Variants in ELSPBP1 observed in about 807,000 individuals in gnomAD.
ELSPBP1 encodes epididymal sperm binding protein 1.
ELSPBP1 carries 38 observed loss-of-function variants against 33.3 expected under a neutral mutation model. The observed-to-expected ratio is 1.14, with a 90% CI of 0.88 to 1.50. The LOEUF (loss-of-function observed/expected upper bound fraction) is 1.50, where lower values mean the gene tolerates loss of function less well. Ranked by LOEUF, ELSPBP1 falls within the 40% of genes most tolerant of loss-of-function variation. The probability of loss-of-function intolerance (pLI) is 0.00; values close to 1 mark genes in which losing one functional copy is unlikely to be tolerated. For synonymous variants in ELSPBP1, 85 were observed against 94.1 expected (o/e 0.90, Z 0.56); for missense variants, 267 against 263.5 (o/e 1.01, Z -0.09).
chr19:48,002,583 G>T (rs990665880), intron 1 of ELSPBP1, among the ~76,000 whole-genome samples: 2 of 152,200 alleles, frequency 1.3e-5, no homozygotes, highest in African/African-American at 2.4e-5. Context: ...TTGGGGTCAG[G>T]AGTTCAAAAC....
intron 1 of ELSPBP1, among the ~76,000 whole-genome samples, chr19:47,998,206 G>C (rs78215994): frequency 0.015 from 2,340 of 152,184 alleles, 41 homozygotes; most frequent in East Asian, 0.046. Flanking sequence ...GAGGTCTGGA[G>C]TTCAAGATCA....
Position 48,011,618 on chromosome 19 carries a change from G to GA in ELSPBP1, c.71-2552dup, listed in dbSNP as rs1967080569. 6.6e-6 allele frequency among the ~76,000 whole-genome samples: 1 copy of GA among 151,540 alleles called. No homozygotes were observed. Among genetic ancestry groups the GA allele is most frequent in the East Asian group, 1.9e-4 (1 of 5,134 alleles). ...TGAGGTGGATTATGATGACAATGAT[G>GA]ATGACAACGATGATGATGATCATCA... On this transcript the variant is annotated intron_variant, in intron 2 of 6. Coordinates refer to ENST00000339841, the MANE Select transcript of ELSPBP1 (RefSeq NM_022142.5). The surrounding 1 kb of genome is among the most constrained non-coding windows in gnomAD (Gnocchi z 4.5).
Position 48,019,699 on chromosome 19 carries a change from C to T in ELSPBP1, c.356-20C>T, listed in dbSNP as rs73567220. 1 of 1,609,968 alleles carries T rather than the reference C, an allele frequency of 6.2e-7. No homozygotes were observed. Among genetic ancestry groups the T allele is most frequent in the East Asian group, 2.2e-5 (1 of 44,814 alleles). ...TCATCTCCTCTTCTTGACCCGTAAC[C>T]TTTCCATAATCCTTTTCAGAGTATG... On this transcript the variant is annotated intron_variant, in intron 4 of 6. Transcript: ENST00000339841.
At chr19:48,002,618 G>A (rs1037213015) in intron 1 of ELSPBP1, among the ~76,000 whole-genome samples, 10 of 152,132 alleles carry the variant, frequency 6.6e-5, no homozygotes, top group Non-Finnish European at 1.0e-4. Flanking sequence ...CGGTGAAACC[G>A]TGTCTCTACT....
intron 1 of ELSPBP1, among the ~76,000 whole-genome samples, chr19:48,004,623 C>T (rs1199861321): frequency 6.6e-6 from 1 of 152,192 alleles, no homozygotes; most frequent in African/African-American, 2.4e-5. Flanking sequence ...TGTCAGCTTA[C>T]CTGTCATTTC....
chr19:48,009,233 T>C (rs1399997337), intron 2 of ELSPBP1, among the ~76,000 whole-genome samples: 1 of 152,108 alleles, frequency 6.6e-6, no homozygotes, highest in Admixed American at 6.6e-5. Flanking sequence ...ATAAGCTCTC[T>C]GAAGTCAATT....
intron 1 of ELSPBP1, among the ~76,000 whole-genome samples, chr19:48,006,480 G>T (rs1967018293): frequency 6.6e-6 from 1 of 151,734 alleles, no homozygotes; most frequent in Admixed American, 6.6e-5. Flanking sequence ...CAGGCGTGGT[G>T]GCACGTGCCT....
At position 47,994,727 on chromosome 19, in the gene ELSPBP1, T is replaced by A. The variant is rs1966897666; in HGVS notation, c.-102T>A. On this transcript the variant is annotated 5_prime_UTR_variant, in exon 1 of 7. Transcript: ENST00000339841. Reference sequence around the variant, plus strand: ...GCTGGGGCCAAAGCCATTCAACCAATCCCCAGATAATCCAGAGCTCTTGGG... The same window carrying A: ...GCTGGGGCCAAAGCCATTCAACCAAACCCCAGATAATCCAGAGCTCTTGGG... 6.6e-6 allele frequency: 1 copy of A among 152,124 alleles called. No homozygotes were observed. Among genetic ancestry groups the A allele is most frequent in the Non-Finnish European group, 1.5e-5 (1 of 68,060 alleles). The allele number at this position is 152,124 out of a possible 1,614,324, so 9.4% of individuals were successfully genotyped here.
chr19:48,011,389 T>C lies in ELSPBP1; in HGVS notation c.70+2652T>C, dbSNP rs1967076957. Among the ~76,000 whole-genome samples the C allele has an allele frequency of 6.6e-6, 1 of 150,762 alleles. No individual in the cohort carries two copies. Among genetic ancestry groups the C allele is most frequent in the South Asian group, 2.1e-4 (1 of 4,746 alleles). On this transcript the variant is annotated intron_variant, in intron 2 of 6. Coordinates refer to ENST00000339841, the MANE Select transcript of ELSPBP1 (RefSeq NM_022142.5). The surrounding 1 kb of genome is among the most constrained non-coding windows in gnomAD (Gnocchi z 4.5). ...ATGATGGTGACAATGATGATGACGA[T>C]GATAATGATGATGTCAATAATGATG...
At chr19:48,000,775 C>T (rs1159931417) in intron 1 of ELSPBP1, among the ~76,000 whole-genome samples, 1 of 152,124 alleles carries the variant, frequency 6.6e-6, no homozygotes, top group African/African-American at 2.4e-5. Flanking sequence ...CACCTTTGCT[C>T]CGTACCTGTT....
At chr19:48,009,788 AT>A (rs35439716) in intron 2 of ELSPBP1, among the ~76,000 whole-genome samples, 25,350 of 150,450 alleles carry the variant, frequency 0.17, 2,185 homozygotes, top group South Asian at 0.23. Flanking sequence ...ACACAATAAC[AT>A]TTTTTTTTTC....
chr19:48,019,616 G>A (rs377304019), intron 4 of ELSPBP1, 103 bp from the exon 5 acceptor site: 4 of 1,130,758 alleles, frequency 3.5e-6, no homozygotes, highest in Admixed American at 2.4e-5. Context: ...CCAATGTGAC[G>A]TTGCCTTTAA....
chr19:48,002,871 C>T (rs912787908), intron 1 of ELSPBP1, among the ~76,000 whole-genome samples: 4 of 152,322 alleles, frequency 2.6e-5, no homozygotes, highest in South Asian at 4.1e-4. Context: ...CCCCCTCTGA[C>T]ATTTACACAG....
chr19:48,019,871 G>T lies in ELSPBP1; in HGVS notation c.508G>T (p.Asp170Tyr), dbSNP rs35362679. 3 of 1,576,834 alleles carry T rather than the reference G, an allele frequency of 1.9e-6. No homozygotes were observed. The highest frequency in any genetic ancestry group is 1.7e-6 in the Non-Finnish European group (2 of 1,156,444). The stretch of plus-strand genomic sequence containing the variant: ...GGATGGAAAGTGGAGTTTCTGTGCC[G>T]ACACCAGTAATCTGGGGATGGGGGT... The part of the protein sequence containing the change: ...DKDGKWSFCA[D>Y]TRISALVPGF... Residue 170 changes from aspartate (D) to tyrosine (Y), a missense_variant, in exon 5 of 7, where the codon GAC becomes TAC. Coordinates refer to ENST00000339841, the MANE Select transcript of ELSPBP1 (RefSeq NM_022142.5).
chr19:48,009,136 CAA>C (rs59636614), intron 2 of ELSPBP1, among the ~76,000 whole-genome samples: 62,495 of 136,158 alleles, frequency 0.46, 14,823 homozygotes, highest in East Asian at 0.77. Context: ...AACTCCCTCT[CAA>C]AAAAAAAAAA....
Position 48,019,900 on chromosome 19 carries a change from G to A in ELSPBP1, c.514+23G>A, listed in dbSNP as rs190505145. 286 of 1,597,760 alleles carry A rather than the reference G, an allele frequency of 1.8e-4. 1 individual carries two copies. The highest frequency in any genetic ancestry group is 3.3e-5 in the Non-Finnish European group (39 of 1,170,578). ...CCAGTAATCTGGGGATGGGGGTTGGGTGGGTGTGGGTGGAGTCTTTCTTTC... is the reference window on the plus strand; with the variant it reads ...CCAGTAATCTGGGGATGGGGGTTGGATGGGTGTGGGTGGAGTCTTTCTTTC... On this transcript the variant is annotated intron_variant, in intron 5 of 6. Coordinates refer to ENST00000339841, the MANE Select transcript of ELSPBP1 (RefSeq NM_022142.5).
intron 2 of ELSPBP1, among the ~76,000 whole-genome samples, chr19:48,009,643 A>T (rs571291980): frequency 1.8e-4 from 27 of 152,284 alleles, no homozygotes; most frequent in Non-Finnish European, 3.4e-4. Flanking sequence ...TATTCCAGAG[A>T]TTCCTAACCT....
chr19:48,010,063 A>G (rs12972091), intron 2 of ELSPBP1, among the ~76,000 whole-genome samples: 25,460 of 152,144 alleles, frequency 0.17, 2,205 homozygotes, highest in South Asian at 0.23. Context: ...CCACTGGCCA[A>G]AACTGATATG....
intron 1 of ELSPBP1, among the ~76,000 whole-genome samples, chr19:47,998,275 A>G (rs1215882742): frequency 6.6e-6 from 1 of 151,888 alleles, no homozygotes; most frequent in Non-Finnish European, 1.5e-5. Context: ...AGCCGGGTGC[A>G]GTGGCAGGCG....
Sources: allele counts gnomAD v4.1 joint callset (sites outside exome capture counted in the v4.1 genomes callset), GRCh38; gene constraint gnomAD v4.1.1; non-coding constraint Gnocchi (gnomAD v3.1); transcripts MANE v1.5; gene names NCBI Gene and HGNC (gene_info 2026-07-23, HGNC 2026-07-21).